Variants in OXCT1 observed in about 807,000 individuals in gnomAD.
OXCT1 encodes the protein succinyl-CoA:3-ketoacid coenzyme A transferase 1, mitochondrial.
Under a neutral mutation model 69.6 loss-of-function variants are expected in OXCT1, and 27 were observed. The observed-to-expected ratio is 0.39, with a 90% CI of 0.29 to 0.54. The LOEUF is 0.54. Among genes scored for constraint, OXCT1 ranks in the 20% least tolerant of loss-of-function variants. The pLI is 0.72. For missense variants in OXCT1, 437 were observed against 650.2 expected (o/e 0.67, Z 3.57); for synonymous variants, 202 against 217.8 (o/e 0.93, Z 0.64).
intron 13 of OXCT1, among the ~76,000 whole-genome samples, chr5:41,767,949 C>T (rs1744697619): frequency 6.6e-6 from 1 of 151,684 alleles, no homozygotes; most frequent in Non-Finnish European, 1.5e-5. Flanking sequence ...ACAGCTCTGT[C>T]CTCAGCTCTT....
chr5:41,812,140 AAG>A (rs1224936587), intron 7 of OXCT1, among the ~76,000 whole-genome samples: 1 of 152,086 alleles, frequency 6.6e-6, no homozygotes, highest in Non-Finnish European at 1.5e-5. Context: ...TCTAACGAAT[AAG>A]AATAAATTGC....
chr5:41,862,812 T>A, intron 1 of OXCT1, 62 bp from the exon 2 acceptor site: 1 of 961,078 alleles, frequency 1.0e-6, no homozygotes, highest in South Asian at 1.3e-5. Context: ...TTTGTGTGTG[T>A]AGCAATTTAT....
intron 4 of OXCT1, among the ~76,000 whole-genome samples, chr5:41,850,440 A>G (rs1020545368): frequency 2.0e-5 from 3 of 152,122 alleles, no homozygotes; most frequent in Non-Finnish European, 4.4e-5. Context: ...CATACCTCTC[A>G]ATGATCTCTT....
chr5:41,792,844 T>C (rs1745987156), intron 13 of OXCT1, among the ~76,000 whole-genome samples: 2 of 152,226 alleles, frequency 1.3e-5, no homozygotes, highest in Admixed American at 1.3e-4. Context: ...CCTGGTCACA[T>C]ATCAGAACCA....
intron 13 of OXCT1, among the ~76,000 whole-genome samples, chr5:41,777,526 G>A (rs1294092972): frequency 3.3e-5 from 5 of 152,088 alleles, no homozygotes; most frequent in African/African-American, 4.8e-5. Context: ...AGAGGTAATC[G>A]AATCCCCATA....
chr5:41,764,357 C>T (rs1423000980), intron 13 of OXCT1, among the ~76,000 whole-genome samples: 4 of 152,166 alleles, frequency 2.6e-5, no homozygotes, highest in East Asian at 1.9e-4. Context: ...TGTATGCAAA[C>T]GTGTAATAAA....
rs771967852 is a variant in OXCT1, at chr5:41,842,664, T to G, written c.671+11A>C. On this transcript the variant is annotated intron_variant, in intron 6 of 16. Transcript: ENST00000196371. Reference sequence around the variant, plus strand: ...TGATATGCACGAGTGTTTTTAAAACTATCACAATACCTGAAAATCACGTTT... The same window carrying G: ...TGATATGCACGAGTGTTTTTAAAACGATCACAATACCTGAAAATCACGTTT... 1 of 1,588,762 alleles carries G rather than the reference T, an allele frequency of 6.3e-7. No individual in the cohort carries two copies. The highest frequency in any genetic ancestry group is 8.6e-7 in the Non-Finnish European group (1 of 1,156,850).
intron 8 of OXCT1, among the ~76,000 whole-genome samples, chr5:41,806,062 A>G (rs1746665227): frequency 6.6e-6 from 1 of 152,062 alleles, no homozygotes; most frequent in African/African-American, 2.4e-5. Flanking sequence ...GGGCTGTCAG[A>G]ATGTGTTTAC....
intron 15 of OXCT1, among the ~76,000 whole-genome samples, chr5:41,746,748 A>G (rs1250811757): frequency 6.6e-6 from 1 of 152,076 alleles, no homozygotes; most frequent in African/African-American, 2.4e-5. Flanking sequence ...CAAGAATATC[A>G]CACTGAGGCT....
At position 41,842,674 on chromosome 5, in the gene OXCT1, C is replaced by T; in HGVS notation, c.671+1G>A. Reference sequence around the variant, plus strand: ...GAGTGTTTTTAAAACTATCACAATACCTGAAAATCACGTTTCCTGCTCGGT... The same window carrying T: ...GAGTGTTTTTAAAACTATCACAATATCTGAAAATCACGTTTCCTGCTCGGT... On this transcript the variant is annotated splice_donor_variant, in intron 6 of 16. Coordinates refer to ENST00000196371, the MANE Select transcript of OXCT1 (RefSeq NM_000436.4). LOFTEE classifies it high-confidence loss of function. 1 of 1,603,948 alleles carries T rather than the reference C, an allele frequency of 6.2e-7. No homozygotes were observed.
intron 9 of OXCT1, among the ~76,000 whole-genome samples, chr5:41,804,060 T>G (rs1746549562): frequency 6.6e-6 from 1 of 152,094 alleles, no homozygotes; most frequent in Non-Finnish European, 1.5e-5. Flanking sequence ...GGTTTATATA[T>G]GGTGCCATAT....
intron 15 of OXCT1, 80 bp from the exon 16 acceptor site, chr5:41,739,571 G>C (rs987811069): frequency 1.8e-6 from 2 of 1,130,738 alleles, no homozygotes; most frequent in Non-Finnish European, 1.3e-6. Flanking sequence ...AAATAACCTC[G>C]CAAGTTCGAC....
chr5:41,752,879 T>G (rs140855525), intron 14 of OXCT1, among the ~76,000 whole-genome samples: 56 of 152,124 alleles, frequency 3.7e-4, no homozygotes, highest in Non-Finnish European at 6.8e-4. Context: ...TTCCCTAATC[T>G]TTCTCTTTCT....
Position 41,788,346 on chromosome 5 carries a change from T to C in OXCT1, c.1248+5657A>G, listed in dbSNP as rs187909510. 4.6e-5 allele frequency among the ~76,000 whole-genome samples: 7 copies of C among 152,276 alleles called. No individual in the cohort carries two copies. The East Asian group carries it at 5.8e-4, about 13-fold the overall frequency. ...GTAAACAGAAAAAAAAATATCCTGA[T>C]AGATTTAAACCCAACCATATTGATG... On this transcript the variant is annotated intron_variant, in intron 13 of 16. Coordinates refer to ENST00000196371, the MANE Select transcript of OXCT1 (RefSeq NM_000436.4).
At chr5:41,766,551 A>C (rs998814349) in intron 13 of OXCT1, among the ~76,000 whole-genome samples, 2 of 150,558 alleles carry the variant, frequency 1.3e-5, no homozygotes, top group African/African-American at 4.9e-5. Flanking sequence ...TCAAAGTATC[A>C]ATATTACATT....
At chr5:41,856,162 G>C (rs1749418666) in intron 3 of OXCT1, among the ~76,000 whole-genome samples, 1 of 152,192 alleles carries the variant, frequency 6.6e-6, no homozygotes, top group African/African-American at 2.4e-5. Flanking sequence ...TGAAAGGCCG[G>C]GATATCAATG....
intron 3 of OXCT1, among the ~76,000 whole-genome samples, chr5:41,859,889 A>AATATAT (rs113518106): frequency 2.3e-5 from 2 of 88,656 alleles, no homozygotes; most frequent in Admixed American, 1.1e-4. Context: ...ATATATATGT[A>AATATAT]ATATATATAT....
intron 16 of OXCT1, among the ~76,000 whole-genome samples, chr5:41,732,934 G>A (rs975282283): frequency 2.0e-5 from 3 of 151,940 alleles, no homozygotes; most frequent in Non-Finnish European, 4.4e-5. Context: ...TTCCATTTTT[G>A]TACTAAAATA....
At chr5:41,739,667 C>A (rs966134118) in intron 15 of OXCT1, 176 bp from the exon 16 acceptor site, 1 of 563,520 alleles carries the variant, frequency 1.8e-6, no homozygotes, top group Non-Finnish European at 3.3e-6. Context: ...AGATCGAGAC[C>A]ATCCTGGCTA....
Sources: gnomAD v4.1 joint callset for allele counts (sites outside exome capture counted in the v4.1 genomes callset) on GRCh38, gnomAD v4.1.1 for gene constraint, MANE v1.5 for transcripts, NCBI Gene and HGNC (gene_info 2026-07-23, HGNC 2026-07-21) for gene names.